ZNF740: variants seen among roughly 807,000 people sequenced by gnomAD.
ZNF740 encodes the protein oriLyt TD-element-binding protein 7.
A neutral mutation model predicts 24.8 loss-of-function variants in ZNF740; 14 were observed. The ratio of observed to expected loss-of-function variants is 0.56; its 90% CI spans 0.37 to 0.88. The LOEUF (loss-of-function observed/expected upper bound fraction) is 0.88, where lower values mean the gene tolerates loss of function less well. Ranked by LOEUF, ZNF740 falls within the 40% of genes least tolerant of loss-of-function variation. ZNF740 has a pLI of 0.00. For synonymous variants in ZNF740, 69 were observed against 84.0 expected, an observed-to-expected ratio of 0.82 and a Z score of 0.98; for missense variants, 201 against 247.9, an observed-to-expected ratio of 0.81 and a Z score of 1.27.
chr12:53,182,129 AG>A, intron 2 of ZNF740, 137 bp downstream of exon 2: 1 of 1,263,226 alleles, frequency 7.9e-7, no homozygotes. Context: ...GGAGATCTAG[AG>A]GAAGGAAAGG....
intron 2 of ZNF740, among the ~76,000 whole-genome samples, chr12:53,182,875 G>A (rs902877298): frequency 5.9e-5 from 9 of 152,194 alleles, no homozygotes; most frequent in South Asian, 4.1e-4. Context: ...TCAGTGTTAT[G>A]TAGAAGGTCA....
In ZNF740 at chr12:53,188,538, A is replaced by G. The variant is rs1372931692; in HGVS notation, c.*948A>G. ...TTCTCTCTCCTTGTGCCCTCTTAGG[A>G]ACAACCCAAGACTGGTCCCAAGTTG... On this transcript the variant is annotated 3_prime_UTR_variant, in exon 7 of 7. Transcript: ENST00000416904. The G allele has an allele frequency of 6.6e-6, 1 of 152,602 alleles. No homozygotes were observed. 9.5% of individuals were successfully genotyped at this position (152,602 alleles called of 1,614,324 possible). A position where few individuals can be genotyped will look rare whatever the true frequency, so the allele number is the denominator to read the frequency against.
In ZNF740 at chr12:53,192,939, A is replaced by G. The variant is rs749574947; in HGVS notation, c.*5349A>G. The stretch of plus-strand genomic sequence containing the variant: ...GGGTAGAGCCATGCAGAGGGTGACA[A>G]CCATACTCCACACACACAGTTGGCC... On this transcript the variant is annotated 3_prime_UTR_variant, in exon 7 of 7. Transcript: ENST00000416904. 1.1e-5 allele frequency: 17 copies of G among 1,598,856 alleles called. 1 individual carries two copies. Among genetic ancestry groups the G allele is most frequent in the South Asian group, 4.4e-5 (4 of 90,566 alleles).
At position 53,191,845 on chromosome 12, in the gene ZNF740, G is replaced by A; in HGVS notation, c.*4255G>A. 11 of 1,613,384 alleles carry A rather than the reference G, an allele frequency of 6.8e-6. No homozygotes were observed. The highest frequency in any genetic ancestry group is 1.1e-5 in the South Asian group (1 of 91,062). On this transcript the variant is annotated 3_prime_UTR_variant, in exon 7 of 7. Coordinates refer to ENST00000416904, the MANE Select transcript of ZNF740 (RefSeq NM_001004304.4). ...GAACAGCTAAAAAGGGGCCTAACCAGGAAGTCTCCTCACCTGCTTCCAGTT... is the reference window on the plus strand; with the variant it reads ...GAACAGCTAAAAAGGGGCCTAACCAAGAAGTCTCCTCACCTGCTTCCAGTT...
intron 1 of ZNF740, 35 bp downstream of exon 1, chr12:53,180,872 G>C: frequency 8.2e-7 from 1 of 1,220,294 alleles, no homozygotes; most frequent in African/African-American, 1.6e-5. Context: ...AGCGTCGTCC[G>C]TACAGACGGC....
Position 53,187,100 on chromosome 12 carries a change from C to T in ZNF740, c.493-401C>T, listed in dbSNP as rs79912709. ...TGCACTCTTACACTGAATCTTCAGACGCTAGAATAAAAGCTCCATGAGGGC... is the reference window on the plus strand; with the variant it reads ...TGCACTCTTACACTGAATCTTCAGATGCTAGAATAAAAGCTCCATGAGGGC... On this transcript the variant is annotated intron_variant, in intron 6 of 6. Transcript: ENST00000416904. Among the ~76,000 whole-genome samples, 976 of 152,332 alleles carry T rather than the reference C, an allele frequency of 6.4e-3. 15 individuals carry two copies. The highest frequency in any genetic ancestry group is 0.022 in the African/African-American group (923 of 41,562).
chr12:53,187,771 A>C lies in ZNF740; in HGVS notation c.*181A>C. 1 of 582,090 alleles carries C rather than the reference A, an allele frequency of 1.7e-6. No homozygotes were observed. Among genetic ancestry groups the C allele is most frequent in the Non-Finnish European group, 3.1e-6 (1 of 323,944 alleles). The allele number at this position is 582,090 out of a possible 1,614,324, so 36.1% of individuals were successfully genotyped here. A position where few individuals can be genotyped will look rare whatever the true frequency, so the allele number is the denominator to read the frequency against. On this transcript the variant is annotated 3_prime_UTR_variant, in exon 7 of 7. Coordinates refer to ENST00000416904, the MANE Select transcript of ZNF740 (RefSeq NM_001004304.4). ...CCCCAGAACCTCAGCTCTGTAAATA[A>C]TCTGAGACTATGAGTATCTCGGGGA...
Position 53,194,147 on chromosome 12 carries a change from C to A in ZNF740, c.*6557C>A. 6.2e-7 allele frequency: 1 copy of A among 1,610,558 alleles called. No individual in the cohort carries two copies. Among genetic ancestry groups the A allele is most frequent in the South Asian group, 1.1e-5 (1 of 90,790 alleles). On this transcript the variant is annotated 3_prime_UTR_variant, in exon 7 of 7. Transcript: ENST00000416904. ...CATCTTTTCCTGCCTGCTTAATTTC[C>A]CACTCCCACCTCCCCCTGCCCGCCT...
rs1217848717 is a variant in ZNF740, at chr12:53,189,832, T to A, written c.*2242T>A. 2 of 152,192 alleles carry A rather than the reference T, an allele frequency of 1.3e-5. No individual in the cohort carries two copies. The highest frequency in any genetic ancestry group is 2.9e-5 in the Non-Finnish European group (2 of 68,016). The allele number at this position is 152,192 out of a possible 1,614,324, so 9.4% of individuals were successfully genotyped here. A position where few individuals can be genotyped will look rare whatever the true frequency, so the allele number is the denominator to read the frequency against. ...AACCATTTTAAAATATTTAGAAAACTATCCTCCCAAAAATGCTTTTGAAAA... is the reference window on the plus strand; with the variant it reads ...AACCATTTTAAAATATTTAGAAAACAATCCTCCCAAAAATGCTTTTGAAAA... On this transcript the variant is annotated 3_prime_UTR_variant, in exon 7 of 7. Coordinates refer to ENST00000416904, the MANE Select transcript of ZNF740 (RefSeq NM_001004304.4).
rs1308617927 is a variant in ZNF740 at position 53,180,781 on chromosome 12, G to T, written c.-364G>T. ...GGCGGTGGGGTTGGCAGGGTGTGCT[G>T]GGGCCTGGAGGAGGCGCCGCGCGGC... On this transcript the variant is annotated 5_prime_UTR_variant, in exon 1 of 7. Coordinates refer to ENST00000416904, the MANE Select transcript of ZNF740 (RefSeq NM_001004304.4). The T allele has an allele frequency of 7.9e-7, 1 of 1,272,758 alleles. No individual in the cohort carries two copies. The highest frequency in any genetic ancestry group is 1.0e-6 in the Non-Finnish European group (1 of 982,338). The allele number at this position is 1,272,758 out of a possible 1,614,324, so 78.8% of individuals were successfully genotyped here.
rs746893431 is a variant in ZNF740, at chr12:53,191,930, A to G, written c.*4340A>G. Reference sequence around the variant, plus strand: ...TCCCGGCGGTCATAGATTTCCACCGAGAGCCGGTAAGCCAGGACCAGCCCC... The same window carrying G: ...TCCCGGCGGTCATAGATTTCCACCGGGAGCCGGTAAGCCAGGACCAGCCCC... On this transcript the variant is annotated 3_prime_UTR_variant, in exon 7 of 7. Transcript: ENST00000416904. The G allele has an allele frequency of 6.2e-7, 1 of 1,611,136 alleles. No individual in the cohort carries two copies. The highest frequency in any genetic ancestry group is 2.2e-5 in the East Asian group (1 of 44,874).
intron 3 of ZNF740, 120 bp downstream of exon 3, chr12:53,185,160 A>T: frequency 6.8e-7 from 1 of 1,467,974 alleles, no homozygotes; most frequent in Non-Finnish European, 9.3e-7. Context: ...AGGGGATCCA[A>T]CTGGGGAATG....
At chr12:53,185,107 C>G in intron 3 of ZNF740, 67 bp downstream of exon 3, 2 of 1,598,768 alleles carry the variant, frequency 1.3e-6, no homozygotes, top group South Asian at 2.2e-5. Context: ...CAGGAGATAC[C>G]AAGCTCTGAT....
At chr12:53,186,978 A>G (rs1941835986) in intron 6 of ZNF740, among the ~76,000 whole-genome samples, 1 of 152,206 alleles carries the variant, frequency 6.6e-6, no homozygotes, top group Non-Finnish European at 1.5e-5. Context: ...TCTGATGAGA[A>G]TGTAAGAGCT....
In ZNF740 at chr12:53,193,958, A is replaced by G. The variant is rs1942065014; in HGVS notation, c.*6368A>G. ...TACACATGCACACACACATACCCCA[A>G]ACTCACCAATCATCCAGAACCTCAC... is the stretch of plus-strand genomic sequence containing the variant. On this transcript the variant is annotated 3_prime_UTR_variant, in exon 7 of 7. Coordinates refer to ENST00000416904, the MANE Select transcript of ZNF740 (RefSeq NM_001004304.4). The G allele has an allele frequency of 6.7e-7, 1 of 1,493,588 alleles. No individual in the cohort carries two copies. The highest frequency in any genetic ancestry group is 1.2e-5 in the South Asian group (1 of 80,388). The allele number at this position is 1,493,588 out of a possible 1,614,324, so 92.5% of individuals were successfully genotyped here. A position where few individuals can be genotyped will look rare whatever the true frequency, so the allele number is the denominator to read the frequency against.
Position 53,194,186 on chromosome 12 carries a change from G to T in ZNF740, c.*6596G>T. The T allele has an allele frequency of 1.9e-6, 3 of 1,613,842 alleles. No individual in the cohort carries two copies. Among genetic ancestry groups the T allele is most frequent in the Non-Finnish European group, 2.5e-6 (3 of 1,179,882 alleles). Reference sequence around the variant, plus strand: ...CCCTGCCCGCCTTCTGCCTGTGCTTGCTGGCTCTCACCGTCTGGTTGATTC... The same window carrying T: ...CCCTGCCCGCCTTCTGCCTGTGCTTTCTGGCTCTCACCGTCTGGTTGATTC... On this transcript the variant is annotated 3_prime_UTR_variant, in exon 7 of 7. Coordinates refer to ENST00000416904, the MANE Select transcript of ZNF740 (RefSeq NM_001004304.4).
In ZNF740 at chr12:53,187,887, A is replaced by C; in HGVS notation, c.*297A>C. On this transcript the variant is annotated 3_prime_UTR_variant, in exon 7 of 7. Transcript: ENST00000416904. ...GACTCAAGGTACAGGACCAAGACTG[A>C]AGTGTGGCTCCCACAACCTTGGACT... 2.8e-6 allele frequency: 1 copy of C among 353,560 alleles called. No individual in the cohort carries two copies. The highest frequency in any genetic ancestry group is 5.3e-6 in the Non-Finnish European group (1 of 190,342). 21.9% of individuals were successfully genotyped at this position (353,560 alleles called of 1,614,324 possible).
Position 53,191,973 on chromosome 12 carries a change from G to A in ZNF740, c.*4383G>A. 6.2e-7 allele frequency: 1 copy of A among 1,612,086 alleles called. No homozygotes were observed. The highest frequency in any genetic ancestry group is 1.1e-5 in the South Asian group (1 of 91,054). Reference sequence around the variant, plus strand: ...CCAGCCCCAGCCCCACTGCCACGATGCCCCCTACGCAGCCCAGCACAATGG... The same window carrying A: ...CCAGCCCCAGCCCCACTGCCACGATACCCCCTACGCAGCCCAGCACAATGG... On this transcript the variant is annotated 3_prime_UTR_variant, in exon 7 of 7. Coordinates refer to ENST00000416904, the MANE Select transcript of ZNF740 (RefSeq NM_001004304.4).
chr12:53,192,009 G>T lies in ZNF740; in HGVS notation c.*4419G>T. 6.2e-7 allele frequency: 1 copy of T among 1,612,088 alleles called. No individual in the cohort carries two copies. Among genetic ancestry groups the T allele is most frequent in the Non-Finnish European group, 8.5e-7 (1 of 1,179,182 alleles). On this transcript the variant is annotated 3_prime_UTR_variant, in exon 7 of 7. Transcript: ENST00000416904. ...AGCCCAGCACAATGGCCTGCGTGTG[G>T]TCTGCTCCCTCTGTGAACAAGAAAC...
Sources: gnomAD v4.1 joint callset for allele counts (sites outside exome capture counted in the v4.1 genomes callset) on GRCh38, gnomAD v4.1.1 for gene constraint, MANE v1.5 for transcripts, NCBI Gene and HGNC (gene_info 2026-07-23, HGNC 2026-07-21) for gene names.